AGPS: variants seen among roughly 807,000 people sequenced by gnomAD.
AGPS encodes alkylglycerone phosphate synthase.
AGPS carries 26 observed loss-of-function variants against 90.7 expected under a neutral mutation model. That is an observed-to-expected ratio of 0.29 (90% CI 0.21 to 0.40). The LOEUF is 0.40. Among genes scored for constraint, AGPS ranks in the 10% least tolerant of loss-of-function variants. AGPS has a pLI of 1.00. For missense variants in AGPS, 540 were observed against 816.1 expected, an observed-to-expected ratio of 0.66 and a Z score of 4.12; for synonymous variants, 294 against 285.3, an observed-to-expected ratio of 1.03 and a Z score of -0.31.
intron 2 of AGPS, among the ~76,000 whole-genome samples, chr2:177,427,013 G>A (rs1686101792): frequency 6.6e-6 from 1 of 152,114 alleles, no homozygotes; most frequent in Non-Finnish European, 1.5e-5. Context: ...TGGTTGGCAG[G>A]CTATTACTGT....
chr2:177,415,432 T>C (rs547172307), intron 1 of AGPS, among the ~76,000 whole-genome samples: 74 of 152,342 alleles, frequency 4.9e-4, no homozygotes, highest in African/African-American at 1.6e-3. Flanking sequence ...TGTTAACAAC[T>C]TTCTGTGTTC....
intron 10 of AGPS, among the ~76,000 whole-genome samples, chr2:177,470,954 A>T (rs965839552): frequency 1.3e-5 from 2 of 152,060 alleles, no homozygotes; most frequent in Non-Finnish European, 2.9e-5. Context: ...GGAATAATAA[A>T]ATTATTCATC....
intron 19 of AGPS, among the ~76,000 whole-genome samples, chr2:177,525,390 A>G (rs990437566): frequency 6.6e-6 from 1 of 152,216 alleles, no homozygotes; most frequent in Non-Finnish European, 1.5e-5. Flanking sequence ...AATTGATTAC[A>G]TGGGACAGAG....
At chr2:177,393,766 A>G (rs1010863379) in intron 1 of AGPS, among the ~76,000 whole-genome samples, 1 of 113,544 alleles carries the variant, frequency 8.8e-6, no homozygotes, top group South Asian at 2.8e-4. Flanking sequence ...TTTTTTTTGT[A>G]TTTTTAGTAG....
chr2:177,515,329 T>C (rs769767482), intron 17 of AGPS, among the ~76,000 whole-genome samples: 7 of 152,112 alleles, frequency 4.6e-5, no homozygotes, highest in Non-Finnish European at 7.4e-5. Context: ...TGAAAACAAA[T>C]CAGACATAAT....
In AGPS at chr2:177,493,088, A is replaced by G. The variant is rs552976353; in HGVS notation, c.1234-60A>G. 813 of 1,400,378 alleles carry G rather than the reference A, an allele frequency of 5.8e-4. 11 individuals carry two copies. In the South Asian group the frequency reaches 9.0e-3, roughly 15 times the overall value. 86.7% of individuals were successfully genotyped at this position (1,400,378 alleles called of 1,614,324 possible). A position where few individuals can be genotyped will look rare whatever the true frequency, so the allele number is the denominator to read the frequency against. ...TATAGAAAGATAATATTCACATTCTACCTGTCTAGCTTCTTACTGTATTAA... is the reference window on the plus strand; with the variant it reads ...TATAGAAAGATAATATTCACATTCTGCCTGTCTAGCTTCTTACTGTATTAA... On this transcript the variant is annotated intron_variant, in intron 11 of 19. Coordinates refer to ENST00000264167, the MANE Select transcript of AGPS (RefSeq NM_003659.4).
intron 5 of AGPS, among the ~76,000 whole-genome samples, chr2:177,437,997 A>G (rs1686467487): frequency 6.6e-6 from 1 of 152,208 alleles, no homozygotes; most frequent in Non-Finnish European, 1.5e-5. Context: ...TTAGTTTAGT[A>G]TAGAAATTTT....
At chr2:177,496,459 C>G (rs1163634870) in intron 12 of AGPS, among the ~76,000 whole-genome samples, 1 of 152,068 alleles carries the variant, frequency 6.6e-6, no homozygotes, top group Admixed American at 6.6e-5. Context: ...GCTAGTTATA[C>G]TAGGAAGCAT....
chr2:177,455,476 C>T (rs1160357024), intron 8 of AGPS, among the ~76,000 whole-genome samples: 1 of 151,538 alleles, frequency 6.6e-6, no homozygotes, highest in East Asian at 1.9e-4. Flanking sequence ...TTTTAAAATA[C>T]AAGGATGGAG....
Position 177,481,977 on chromosome 2 carries a change from A to G in AGPS, c.1106-82A>G, listed in dbSNP as rs181240254. The G allele has an allele frequency of 3.2e-4, 422 of 1,308,544 alleles. No individual in the cohort carries two copies. The African/African-American group carries it at 5.8e-3, about 18-fold the overall frequency. 81.1% of individuals were successfully genotyped at this position (1,308,544 alleles called of 1,614,324 possible). ...AAATTTAAATGTGCATAATAAATTG[A>G]ATTAATAGATTAAATAGATTTAAAT... On this transcript the variant is annotated intron_variant, in intron 10 of 19. Coordinates refer to ENST00000264167, the MANE Select transcript of AGPS (RefSeq NM_003659.4).
intron 10 of AGPS, among the ~76,000 whole-genome samples, chr2:177,477,288 AT>A (rs1333398787): frequency 1.3e-5 from 2 of 151,610 alleles, no homozygotes; most frequent in South Asian, 2.1e-4. Context: ...TGCCTTAGTG[AT>A]TTTTTTCAGT....
At chr2:177,528,100 C>T (rs1199991368) in intron 19 of AGPS, among the ~76,000 whole-genome samples, 4 of 152,128 alleles carry the variant, frequency 2.6e-5, no homozygotes, top group Non-Finnish European at 1.5e-5. Flanking sequence ...CTTCATTTCT[C>T]TATATTCACT....
intron 10 of AGPS, among the ~76,000 whole-genome samples, chr2:177,479,230 G>C (rs1321697082): frequency 6.6e-6 from 1 of 152,154 alleles, no homozygotes; most frequent in Admixed American, 6.5e-5. Context: ...AGGACAAGGG[G>C]ATTGAAACCC....
chr2:177,398,421 A>G (rs1685243820), intron 1 of AGPS, among the ~76,000 whole-genome samples: 1 of 152,230 alleles, frequency 6.6e-6, no homozygotes, highest in Non-Finnish European at 1.5e-5. Context: ...GAGTGATACT[A>G]TATGTACATT....
intron 6 of AGPS, 61 bp from the exon 7 acceptor site, chr2:177,442,346 T>C: frequency 1.5e-6 from 2 of 1,310,008 alleles, no homozygotes; most frequent in Non-Finnish European, 2.2e-6. Flanking sequence ...GGATTTGCCA[T>C]AGAAATATAG....
intron 8 of AGPS, among the ~76,000 whole-genome samples, chr2:177,452,651 G>A (rs1190769390): frequency 6.6e-6 from 1 of 152,046 alleles, no homozygotes; most frequent in Non-Finnish European, 1.5e-5. Flanking sequence ...TCATTGAGGT[G>A]TTTAGATCAT....
chr2:177,467,413 G>T (rs1687486420), intron 9 of AGPS, among the ~76,000 whole-genome samples: 1 of 151,762 alleles, frequency 6.6e-6, no homozygotes, highest in South Asian at 2.1e-4. Context: ...AAATTTCTTT[G>T]GTATATACAT....
Position 177,538,432 on chromosome 2 carries a change from C to G in AGPS, c.*237C>G. 1 of 517,418 alleles carries G rather than the reference C, an allele frequency of 1.9e-6. No homozygotes were observed. Among genetic ancestry groups the G allele is most frequent in the East Asian group, 3.6e-5 (1 of 27,716 alleles). The allele number at this position is 517,418 out of a possible 1,614,324, so 32.1% of individuals were successfully genotyped here. On this transcript the variant is annotated 3_prime_UTR_variant, in exon 20 of 20. Transcript: ENST00000264167. ...ATTTTACATTCAGCGGTTGTCATTT[C>G]AAATTTTAGTCAGGCAGCACAAAGC...
At chr2:177,497,459 G>A (rs1218578962) in intron 12 of AGPS, among the ~76,000 whole-genome samples, 1 of 151,558 alleles carries the variant, frequency 6.6e-6, no homozygotes, top group Non-Finnish European at 1.5e-5. Flanking sequence ...ATTGATAATG[G>A]GTTTTGTAAA....
Sources: gnomAD v4.1 joint callset for allele counts (sites outside exome capture counted in the v4.1 genomes callset) on GRCh38, gnomAD v4.1.1 for gene constraint, MANE v1.5 for transcripts, NCBI Gene and HGNC (gene_info 2026-07-23, HGNC 2026-07-21) for gene names.